TACC2: variants seen among roughly 807,000 people sequenced by gnomAD.
The protein encoded by TACC2 is transforming acidic coiled-coil containing protein 2.
A neutral mutation model predicts 227.3 loss-of-function variants in TACC2; 137 were observed. The observed-to-expected ratio is 0.60, with a 90% CI of 0.52 to 0.69. TACC2 has a LOEUF of 0.69. TACC2 is among the 30% of genes least tolerant of loss of function. TACC2 has a pLI of 0.00. For synonymous variants in TACC2, 1,523 were observed against 1,487.5 expected, an observed-to-expected ratio of 1.02 and a Z score of -0.55; for missense variants, 3,470 against 3,694.4, an observed-to-expected ratio of 0.94 and a Z score of 1.57.
intron 5 of TACC2, among the ~76,000 whole-genome samples, chr10:122,130,766 T>TC (rs1389771231): frequency 6.6e-6 from 1 of 152,254 alleles, no homozygotes; most frequent in South Asian, 2.1e-4. Flanking sequence ...AATAATCGTA[T>TC]CCCCCTCATA....
chr10:122,144,503 C>T (rs972195937), intron 7 of TACC2, among the ~76,000 whole-genome samples: 2 of 152,190 alleles, frequency 1.3e-5, no homozygotes, highest in Admixed American at 6.5e-5. Flanking sequence ...GTGCTGAGAA[C>T]GGCAGGCCTC....
intron 11 of TACC2, among the ~76,000 whole-genome samples, chr10:122,224,114 C>T (rs1156508335): frequency 6.6e-6 from 1 of 152,200 alleles, no homozygotes; most frequent in Non-Finnish European, 1.5e-5. Flanking sequence ...GTCATTTCTC[C>T]ACCCATTGGA....
chr10:122,079,823 C>T (rs1331728217), intron 3 of TACC2, among the ~76,000 whole-genome samples: 7 of 152,198 alleles, frequency 4.6e-5, no homozygotes, highest in Non-Finnish European at 7.3e-5. Flanking sequence ...ATGGGTGGTA[C>T]CCACCTTGCA....
intron 7 of TACC2, among the ~76,000 whole-genome samples, chr10:122,149,204 G>A (rs2091763267): frequency 6.6e-6 from 1 of 152,250 alleles, no homozygotes; most frequent in South Asian, 2.1e-4. Flanking sequence ...GGGTGTGGGT[G>A]TGAGCCCACG....
intron 7 of TACC2, among the ~76,000 whole-genome samples, chr10:122,191,223 C>T (rs2094400515): frequency 6.6e-6 from 1 of 152,044 alleles, no homozygotes; most frequent in Admixed American, 6.6e-5. Context: ...ACGAAGCGAT[C>T]CTCCTGAGTC....
At chr10:122,119,845 G>C (rs911586051) in intron 5 of TACC2, among the ~76,000 whole-genome samples, 5 of 152,058 alleles carry the variant, frequency 3.3e-5, no homozygotes, top group African/African-American at 1.2e-4. Flanking sequence ...CTTAAACCCG[G>C]GAGGCAGAGG....
At chr10:122,140,892 C>T (rs977910848) in intron 6 of TACC2, among the ~76,000 whole-genome samples, 35 of 152,160 alleles carry the variant, frequency 2.3e-4, no homozygotes, top group Admixed American at 1.3e-4. Flanking sequence ...TTCCGAATGC[C>T]GTGGAAAGTC....
intron 3 of TACC2, among the ~76,000 whole-genome samples, chr10:122,070,520 A>G (rs1211245355): frequency 6.6e-6 from 1 of 152,062 alleles, no homozygotes; most frequent in Non-Finnish European, 1.5e-5. Flanking sequence ...TTTGGAGGCT[A>G]AGGCGGGCGG....
At chr10:122,025,557 G>A (rs1591186937) in intron 2 of TACC2, among the ~76,000 whole-genome samples, 2 of 142,368 alleles carry the variant, frequency 1.4e-5, no homozygotes, top group South Asian at 2.3e-4. Flanking sequence ...CACTGCACCC[G>A]GCCTATTATT....
At chr10:121,999,070 A>G (rs1953944591) in intron 1 of TACC2, among the ~76,000 whole-genome samples, 1 of 149,444 alleles carries the variant, frequency 6.7e-6, no homozygotes, top group Non-Finnish European at 1.5e-5. Context: ...GTGCAGTGGC[A>G]TGATCTCGGC....
In TACC2 at chr10:122,086,564, C is replaced by A; in HGVS notation, c.4064C>A (p.Ala1355Asp). The part of the protein sequence containing the change: ...EKAATAPGAG[A>D]KASGEGMAGD... ...GCAGCAACAGCTCCAGGTGCAGGTG[C>A]CAAGGCCAGTGGGGAGGGCATGGCA... is the stretch of plus-strand genomic sequence containing the variant. Residue 1355 changes from alanine to aspartate, a missense_variant, in exon 4 of 23, where the codon GCC becomes GAC. Ala to Asp is a moderately radical substitution (Grantham distance 126). Transcript: ENST00000369005. The A allele has an allele frequency of 6.2e-7, 1 of 1,603,454 alleles. No homozygotes were observed. The highest frequency in any genetic ancestry group is 8.5e-7 in the Non-Finnish European group (1 of 1,174,702).
chr10:121,989,537 T>C (rs1952944928), intron 1 of TACC2, 49 bp downstream of exon 1: 1 of 152,102 alleles, frequency 6.6e-6, no homozygotes, highest in South Asian at 2.1e-4. Context: ...CTGATTCCCA[T>C]TACTTGAAAA....
At chr10:122,184,208 G>A (rs1460312528) in intron 7 of TACC2, among the ~76,000 whole-genome samples, 1 of 152,168 alleles carries the variant, frequency 6.6e-6, no homozygotes, top group Non-Finnish European at 1.5e-5. Context: ...GACACTTGGT[G>A]AGTGTGGAAC....
At chr10:122,138,351 T>G (rs967246773) in intron 6 of TACC2, among the ~76,000 whole-genome samples, 1 of 152,012 alleles carries the variant, frequency 6.6e-6, no homozygotes, top group African/African-American at 2.4e-5. Context: ...CTACTAAATA[T>G]GTAAAAAAAT....
intron 1 of TACC2, among the ~76,000 whole-genome samples, chr10:121,998,781 C>T (rs771573396): frequency 2.6e-5 from 4 of 152,108 alleles, no homozygotes; most frequent in Non-Finnish European, 2.9e-5. Context: ...CCGCTTACAT[C>T]GGTATAAAGT....
At chr10:122,042,658 A>G (rs930995037) in intron 2 of TACC2, among the ~76,000 whole-genome samples, 1 of 152,220 alleles carries the variant, frequency 6.6e-6, no homozygotes, top group Non-Finnish European at 1.5e-5. Context: ...TACAATGTCT[A>G]CGTGGTCTAG....
chr10:122,223,982 A>T (rs1240933910), intron 11 of TACC2, among the ~76,000 whole-genome samples: 1 of 152,174 alleles, frequency 6.6e-6, no homozygotes, highest in African/African-American at 2.4e-5. Context: ...GAGGTGCTTC[A>T]TCCGTTTGCT....
intron 5 of TACC2, among the ~76,000 whole-genome samples, chr10:122,089,495 C>T (rs2080485286): frequency 6.6e-6 from 1 of 152,228 alleles, no homozygotes; most frequent in African/African-American, 2.4e-5. Context: ...TTCTTTTCTA[C>T]ATGAAATGCC....
chr10:122,167,055 AC>A (rs1392596252), intron 7 of TACC2, among the ~76,000 whole-genome samples: 4 of 151,940 alleles, frequency 2.6e-5, no homozygotes, highest in African/African-American at 7.2e-5. Flanking sequence ...GTAGTTGGAG[AC>A]CCCCGTTTCA....
Sources: gnomAD v4.1 joint callset for allele counts (sites outside exome capture counted in the v4.1 genomes callset) on GRCh38, gnomAD v4.1.1 for gene constraint, MANE v1.5 for transcripts, NCBI Gene and HGNC (gene_info 2026-07-23, HGNC 2026-07-21) for gene names.